Variants in PRKN observed in about 807,000 individuals in gnomAD.
PRKN encodes the protein parkin RBR E3 ubiquitin protein ligase.
In PRKN, 56 loss-of-function variants were observed where a neutral mutation model predicts 59.5. That is an observed-to-expected ratio of 0.94 (90% CI 0.76 to 1.18). The LOEUF (loss-of-function observed/expected upper bound fraction) is 1.18, where lower values mean the gene tolerates loss of function less well. PRKN is among the 50% of genes most tolerant of loss of function. PRKN has a pLI of 0.00. For missense variants in PRKN, 657 were observed against 596.4 expected (o/e 1.10, Z -1.06); for synonymous variants, 250 against 222.1 (o/e 1.13, Z -1.12).
rs538196116 is a variant in PRKN at position 161,549,067 on chromosome 6, G to C, written c.934-64C>G. 105 of 1,559,414 alleles carry C rather than the reference G, an allele frequency of 6.7e-5. 1 individual carries two copies. The Middle Eastern group carries it at 1.0e-3, about 15-fold the overall frequency. On this transcript the variant is annotated intron_variant, in intron 8 of 11. Coordinates refer to ENST00000366898, the MANE Select transcript of PRKN (RefSeq NM_004562.3). This position sits in a 1 kb window ranked among gnomAD's most constrained non-coding sequence, Gnocchi z 6.0. ...CTGCAAATTTCAGCCAAAGGGTTAG[G>C]AGCTACAGTGCATGGGATTTCTTGC...
chr6:162,711,835 G>A, intron 1 of PRKN, among the ~76,000 whole-genome samples: 1 of 152,126 alleles, frequency 6.6e-6, no homozygotes, highest in Non-Finnish European at 1.5e-5. Context: ...GACCCAAGAG[G>A]GGCAAGTCAT....
chr6:161,756,499 G>GCTAA (rs113428992), intron 7 of PRKN, among the ~76,000 whole-genome samples: 2,962 of 133,560 alleles, frequency 0.022, 79 homozygotes, highest in South Asian at 0.077. Flanking sequence ...AATTTTTATT[G>GCTAA]CTGTTTCCCA....
At chr6:161,933,550 A>C (rs928887806) in intron 6 of PRKN, among the ~76,000 whole-genome samples, 5 of 152,210 alleles carry the variant, frequency 3.3e-5, no homozygotes, top group Non-Finnish European at 7.3e-5. Flanking sequence ...ATTGTTATGA[A>C]AATAACTTTG....
chr6:162,156,999 T>A (rs1421298200), intron 4 of PRKN, among the ~76,000 whole-genome samples: 2 of 16,658 alleles, frequency 1.2e-4, no homozygotes, highest in Non-Finnish European at 3.6e-3. Flanking sequence ...TATACATCAA[T>A]CTTTCCATTT....
chr6:161,442,648 G>A lies in PRKN; in HGVS notation c.1084-55771C>T, dbSNP rs1206982315. ...TTCGCTGTCTTGGACTGGACGGGCT[G>A]GACTCCCAGCTGAAGGTGGCTTGGA... On this transcript the variant is annotated intron_variant, in intron 9 of 11. Coordinates refer to ENST00000366898, the MANE Select transcript of PRKN (RefSeq NM_004562.3). This position sits in a 1 kb window ranked among gnomAD's most constrained non-coding sequence, Gnocchi z 4.6. 6.6e-6 allele frequency among the ~76,000 whole-genome samples: 1 copy of A among 152,196 alleles called. No individual in the cohort carries two copies. Among genetic ancestry groups the A allele is most frequent in the Non-Finnish European group, 1.5e-5 (1 of 68,042 alleles).
At chr6:162,011,040 ATATT>A (rs1782614181) in intron 5 of PRKN, among the ~76,000 whole-genome samples, 1 of 11,796 alleles carries the variant, frequency 8.5e-5, no homozygotes, top group African/African-American at 7.9e-4. Flanking sequence ...ATTATAATAT[ATATT>A]TATAATATAT....
intron 5 of PRKN, among the ~76,000 whole-genome samples, chr6:161,975,531 A>G (rs1025226425): frequency 6.6e-6 from 1 of 152,164 alleles, no homozygotes; most frequent in Non-Finnish European, 1.5e-5. Flanking sequence ...TTTATAATTT[A>G]CTAACCTCAT....
chr6:161,860,597 T>G (rs184932789), intron 6 of PRKN, among the ~76,000 whole-genome samples: 1 of 152,220 alleles, frequency 6.6e-6, no homozygotes, highest in Non-Finnish European at 1.5e-5. Flanking sequence ...GGAGTCTGTT[T>G]TTTTTCTTGT....
intron 4 of PRKN, among the ~76,000 whole-genome samples, chr6:162,177,254 C>G (rs1376329013): frequency 6.6e-6 from 1 of 151,876 alleles, no homozygotes; most frequent in Non-Finnish European, 1.5e-5. Flanking sequence ...ATAAAAATTA[C>G]CTTTGAGAGA....
chr6:162,104,377 C>G (rs1780100556), intron 4 of PRKN, among the ~76,000 whole-genome samples: 1 of 152,156 alleles, frequency 6.6e-6, no homozygotes, highest in Admixed American at 6.6e-5. Flanking sequence ...CCTTCCAATA[C>G]TAATTAACAT....
intron 2 of PRKN, among the ~76,000 whole-genome samples, chr6:162,390,430 T>TTATATA (rs61365686): frequency 2.6e-5 from 3 of 114,560 alleles, no homozygotes; most frequent in African/African-American, 1.0e-4. Flanking sequence ...CACACACACC[T>TTATATA]TATATATATA....
intron 1 of PRKN, among the ~76,000 whole-genome samples, chr6:162,589,876 G>C (rs894119287): frequency 6.6e-6 from 1 of 152,116 alleles, no homozygotes; most frequent in Admixed American, 6.5e-5. Context: ...TACTGTACTT[G>C]ACATTTGTAT....
chr6:162,495,456 G>A (rs963690140), intron 1 of PRKN, among the ~76,000 whole-genome samples: 1 of 152,080 alleles, frequency 6.6e-6, no homozygotes, highest in Non-Finnish European at 1.5e-5. Context: ...GGAGGGAGGT[G>A]AGACCTGAAT....
chr6:162,373,862 T>C (rs1317220947), intron 2 of PRKN, among the ~76,000 whole-genome samples: 2 of 152,134 alleles, frequency 1.3e-5, no homozygotes, highest in African/African-American at 2.4e-5. Flanking sequence ...TTAGAGAGAC[T>C]AGTGTTTTTG....
At position 161,552,980 on chromosome 6, in the gene PRKN, G is replaced by A. The variant is rs989687605; in HGVS notation, c.934-3977C>T. On this transcript the variant is annotated intron_variant, in intron 8 of 11. Coordinates refer to ENST00000366898, the MANE Select transcript of PRKN (RefSeq NM_004562.3). The surrounding 1 kb of genome is among the most constrained non-coding windows in gnomAD (Gnocchi z 4.9). ...TAGCTTTTGTATTTTTAGTAGAGACGGGGTTTCACCATGTTGGCCAGGATG... is the reference window on the plus strand; with the variant it reads ...TAGCTTTTGTATTTTTAGTAGAGACAGGGTTTCACCATGTTGGCCAGGATG... Among the ~76,000 whole-genome samples the A allele has an allele frequency of 2.0e-5, 3 of 151,650 alleles. No individual in the cohort carries two copies. Among genetic ancestry groups the A allele is most frequent in the African/African-American group, 4.8e-5 (2 of 41,332 alleles).
chr6:162,548,715 A>T (rs879619433), intron 1 of PRKN, among the ~76,000 whole-genome samples: 1 of 152,214 alleles, frequency 6.6e-6, no homozygotes, highest in Non-Finnish European at 1.5e-5. Flanking sequence ...CAATGAGCTC[A>T]GGTGCAAATT....
At chr6:161,493,618 C>A (rs1329556598) in intron 9 of PRKN, among the ~76,000 whole-genome samples, 1 of 152,144 alleles carries the variant, frequency 6.6e-6, no homozygotes, top group Non-Finnish European at 1.5e-5. Flanking sequence ...AAGAAGGGCA[C>A]AGATTACACG....
chr6:161,872,978 A>G (rs111637407), intron 6 of PRKN, among the ~76,000 whole-genome samples: 1 of 90,954 alleles, frequency 1.1e-5, no homozygotes, highest in Admixed American at 1.1e-4. Flanking sequence ...TTTTTTTCCA[A>G]AAAACCTAGA....
chr6:161,500,330 G>C (rs565152337), intron 9 of PRKN, among the ~76,000 whole-genome samples: 2 of 151,986 alleles, frequency 1.3e-5, no homozygotes, highest in Non-Finnish European at 2.9e-5. Flanking sequence ...AAAGTCCTCA[G>C]TTTACATGAG....
Sources: allele counts gnomAD v4.1 joint callset (sites outside exome capture counted in the v4.1 genomes callset), GRCh38; gene constraint gnomAD v4.1.1; non-coding constraint Gnocchi (gnomAD v3.1); transcripts MANE v1.5; gene names NCBI Gene and HGNC (gene_info 2026-07-23, HGNC 2026-07-21).